The following UMODL1 variants were observed in gnomAD, a reference collection of about 807,000 sequenced individuals.
UMODL1 encodes the protein uromodulin-like 1.
UMODL1 carries 128 observed loss-of-function variants against 136.3 expected under a neutral mutation model. That is an observed-to-expected ratio of 0.94 (90% CI 0.81 to 1.09). The LOEUF is 1.09. UMODL1 is among the 50% of genes least tolerant of loss of function. The pLI, the probability that UMODL1 is intolerant of heterozygous loss-of-function variation, is 0.00. For synonymous variants in UMODL1, 721 were observed against 720.0 expected (o/e 1.00, Z -0.02); for missense variants, 1,766 against 1,725.6 (o/e 1.02, Z -0.41).
intron 21 of UMODL1, among the ~76,000 whole-genome samples, 176 bp from the exon 22 acceptor site, chr21:42,137,263 T>A (rs1201745911): frequency 4.6e-5 from 7 of 152,252 alleles, no homozygotes; most frequent in Non-Finnish European, 8.8e-5. Context: ...TGCAATGCTG[T>A]CCTGGGCTTG....
intron 15 of UMODL1, 37 bp downstream of exon 15, chr21:42,119,361 G>A (rs1477492500): frequency 2.5e-6 from 4 of 1,592,564 alleles, no homozygotes; most frequent in Non-Finnish European, 3.4e-6. Flanking sequence ...CCCGTGTTCT[G>A]GAACCAGAGG....
chr21:42,114,448 G>A (rs1369008592), intron 13 of UMODL1, among the ~76,000 whole-genome samples: 1 of 152,226 alleles, frequency 6.6e-6, no homozygotes, highest in Non-Finnish European at 1.5e-5. Context: ...GAGCGTGTCT[G>A]ATGTTGCAAG....
chr21:42,114,018 G>T, intron 13 of UMODL1, among the ~76,000 whole-genome samples, 188 bp downstream of exon 13: 1 of 152,258 alleles, frequency 6.6e-6, no homozygotes, highest in East Asian at 1.9e-4. Flanking sequence ...GGCTTATTCA[G>T]GAAAAGGCAT....
chr21:42,087,200 T>C (rs1201808091), intron 4 of UMODL1, among the ~76,000 whole-genome samples: 1 of 152,206 alleles, frequency 6.6e-6, no homozygotes, highest in African/African-American at 2.4e-5. Context: ...CAGAAGCGCC[T>C]GCCTTGCACA....
chr21:42,114,985 A>AG (rs1444639967), intron 13 of UMODL1, among the ~76,000 whole-genome samples: 2 of 152,232 alleles, frequency 1.3e-5, no homozygotes, highest in African/African-American at 4.8e-5. Context: ...AGAAGCCCTC[A>AG]GGGGCAGCAA....
chr21:42,083,279 C>G (rs545809786), intron 2 of UMODL1, among the ~76,000 whole-genome samples: 1 of 152,334 alleles, frequency 6.6e-6, no homozygotes, highest in South Asian at 2.1e-4. Flanking sequence ...CAGCTTTCCC[C>G]AGCTCAGGAA....
chr21:42,101,994 A>T, intron 7 of UMODL1, 172 bp from the exon 8 acceptor site: 1 of 547,542 alleles, frequency 1.8e-6, no homozygotes. Context: ...GTGTTTGTTT[A>T]TTCTCTCGTT....
chr21:42,116,991 G>T (rs751766046), intron 14 of UMODL1, among the ~76,000 whole-genome samples: 1 of 151,920 alleles, frequency 6.6e-6, no homozygotes, highest in Non-Finnish European at 1.5e-5. Flanking sequence ...CAGGAGAATC[G>T]CTTGAAACCA....
Position 42,099,060 on chromosome 21 carries a change from G to T in UMODL1, c.1066G>T (p.Ala356Ser). ...CCGGGGTATGGAGTTGCTCAGGAGC[G>T]CCAGGACACAGAGCCAGGCACTGGC... is the stretch of plus-strand genomic sequence containing the variant. ...VYRGMELLRSARTQSQALAVA... is the reference protein window; with the variant it reads ...VYRGMELLRSSRTQSQALAVA... The change falls in exon 7 of 23, where the codon GCC (alanine) becomes TCC (serine). Residue 356 changes from alanine to serine, a missense_variant. Physicochemically the swap from Ala to Ser is moderately conservative, Grantham distance 99. Transcript: ENST00000408910. This position sits in a 1 kb window ranked among gnomAD's most constrained non-coding sequence, Gnocchi z 4.1. 1.2e-6 allele frequency: 2 copies of T among 1,614,162 alleles called. No individual in the cohort carries two copies. The highest frequency in any genetic ancestry group is 1.7e-6 in the Non-Finnish European group (2 of 1,180,044).
intron 17 of UMODL1, among the ~76,000 whole-genome samples, chr21:42,124,769 A>G (rs2067029836): frequency 6.6e-6 from 1 of 152,012 alleles, no homozygotes; most frequent in African/African-American, 2.4e-5. Context: ...AGGACCTTTG[A>G]GCAGTCCAAG....
intron 2 of UMODL1, 48 bp downstream of exon 2, chr21:42,076,295 G>A (rs770203755): frequency 1.1e-5 from 17 of 1,605,924 alleles, no homozygotes; most frequent in Middle Eastern, 3.3e-4. Context: ...TTGCCGTCGA[G>A]ACGCCTGATG....
chr21:42,093,879 C>T (rs34421316), intron 6 of UMODL1: 103,883 of 456,490 alleles, frequency 0.23, 13,068 homozygotes, highest in East Asian at 0.35. Flanking sequence ...AGCACGTGGC[C>T]TTGAGATCCA....
chr21:42,071,391 A>AGGTGAG lies in UMODL1; in HGVS notation c.76+2_76+7dup. ...GCCCAAGCCAGGCCAGCGGCTTCAC[A>AGGTGAG]GGTGAGGGGTCTGGGCTTGGCATGG... On this transcript the variant is annotated inframe_insertion and splice_region_variant, in exon 1 of 23. Transcript: ENST00000408910. 6.3e-7 allele frequency: 1 copy of AGGTGAG among 1,585,066 alleles called. No individual in the cohort carries two copies. The highest frequency in any genetic ancestry group is 2.3e-5 in the East Asian group (1 of 42,580).
chr21:42,088,422 C>T lies in UMODL1; in HGVS notation c.732C>T (p.Ser244=). ...GGCCACTGCCTGTGGCTGACGTCTC[C>T]ACCCTGCTGGGTGACATTGCGAAGC... ...LPRPLPVADV[S]TLLGDIAKRV... The change falls in exon 5 of 23, where the codon TCC becomes TCT. Residue 244 remains serine, a synonymous_variant. Transcript: ENST00000408910. The T allele has an allele frequency of 1.1e-5, 18 of 1,613,990 alleles. No individual in the cohort carries two copies. The highest frequency in any genetic ancestry group is 1.4e-5 in the Non-Finnish European group (17 of 1,179,914).
At chr21:42,121,981 A>G (rs1326658812) in intron 16 of UMODL1, among the ~76,000 whole-genome samples, 1 of 151,988 alleles carries the variant, frequency 6.6e-6, no homozygotes. Context: ...CCTGCAGGAG[A>G]TGGGTGGCAG....
intron 22 of UMODL1, among the ~76,000 whole-genome samples, 193 bp from the exon 23 acceptor site, chr21:42,141,903 G>A (rs2067286783): frequency 6.6e-6 from 1 of 152,208 alleles, no homozygotes; most frequent in Admixed American, 6.5e-5. Flanking sequence ...ACAGCCCCAT[G>A]GTCCCCGTTC....
chr21:42,138,451 C>T (rs1768477101), intron 22 of UMODL1, among the ~76,000 whole-genome samples: 2 of 152,278 alleles, frequency 1.3e-5, no homozygotes, highest in South Asian at 2.1e-4. Context: ...GCCCTGTGGA[C>T]TTTTGTTTTT....
intron 7 of UMODL1, 162 bp from the exon 8 acceptor site, chr21:42,102,004 T>G: frequency 3.5e-6 from 2 of 568,274 alleles, no homozygotes; most frequent in Non-Finnish European, 3.1e-6. Flanking sequence ...ATTCTCTCGT[T>G]TCTTACATTT....
At position 42,118,984 on chromosome 21, in the gene UMODL1, T is replaced by C. The variant is rs995182359; in HGVS notation, c.2476-127T>C. The C allele has an allele frequency of 5.7e-5, 51 of 898,272 alleles. 1 individual carries two copies. In the African/African-American group the frequency reaches 6.2e-4, roughly 11 times the overall value. The allele number at this position is 898,272 out of a possible 1,614,324, so 55.6% of individuals were successfully genotyped here. ...ACAGGAAAGGGGCCCAGAACCAACCTGTGGCTTTTACTTTGTGCCACGGGC... is the reference window on the plus strand; with the variant it reads ...ACAGGAAAGGGGCCCAGAACCAACCCGTGGCTTTTACTTTGTGCCACGGGC... On this transcript the variant is annotated intron_variant, in intron 14 of 22. Coordinates refer to ENST00000408910, the MANE Select transcript of UMODL1 (RefSeq NM_001004416.3).
Sources: allele counts gnomAD v4.1 joint callset (sites outside exome capture counted in the v4.1 genomes callset), GRCh38; gene constraint gnomAD v4.1.1; non-coding constraint Gnocchi (gnomAD v3.1); transcripts MANE v1.5; gene names NCBI Gene and HGNC (gene_info 2026-07-23, HGNC 2026-07-21).